The following FDFT1 variants were observed in gnomAD, a reference collection of about 807,000 sequenced individuals.
FDFT1 encodes squalene synthase.
FDFT1 carries 68 observed loss-of-function variants against 46.8 expected under a neutral mutation model. The observed-to-expected ratio is 1.45, with a 90% CI of 1.19 to 1.78. The LOEUF is 1.78. Ranked by LOEUF, FDFT1 falls within the 40% of genes most tolerant of loss-of-function variation. FDFT1 has a pLI of 0.00. For synonymous variants in FDFT1, 351 were observed against 185.1 expected, an observed-to-expected ratio of 1.90 and a Z score of -7.28; for missense variants, 928 against 524.4, an observed-to-expected ratio of 1.77 and a Z score of -7.52.
In FDFT1 at chr8:11,830,348, C is replaced by A. The variant is rs1228859270; in HGVS notation, c.807C>A (p.His269Gln). The A allele has an allele frequency of 1.9e-6, 3 of 1,613,720 alleles. No individual in the cohort carries two copies. The highest frequency in any genetic ancestry group is 2.5e-6 in the Non-Finnish European group (3 of 1,179,754). The change falls in exon 6 of 8, where the codon CAC becomes CAA. Residue 269 changes from histidine to glutamine, a missense_variant. By Grantham distance (24) the His-to-Gln change is conservative. Transcript: ENST00000220584. ...LNELITNALH[H>Q]IPDVITYLSR... ...AACTTATAACCAATGCACTGCACCA[C>A]ATCCCAGATGTCATCACCTACCTTT... is the stretch of plus-strand genomic sequence containing the variant.
At chr8:11,805,257 G>C (rs1806684677) in intron 1 of FDFT1, among the ~76,000 whole-genome samples, 1 of 152,192 alleles carries the variant, frequency 6.6e-6, no homozygotes, top group Admixed American at 6.5e-5. Context: ...ACGCTTAGCA[G>C]ATACTGAGGG....
intron 3 of FDFT1, among the ~76,000 whole-genome samples, chr8:11,810,460 C>A (rs1008788266): frequency 3.9e-5 from 6 of 152,198 alleles, no homozygotes; most frequent in African/African-American, 1.4e-4. Flanking sequence ...AGTTCCTTAT[C>A]TGCTTTGTGT....
intron 4 of FDFT1, among the ~76,000 whole-genome samples, chr8:11,825,535 A>G (rs1397250629): frequency 4.3e-5 from 3 of 69,080 alleles, no homozygotes; most frequent in Non-Finnish European, 9.2e-5. Context: ...GTGAGACTTG[A>G]TCTCAAAAAA....
At chr8:11,810,275 T>C (rs1807519292) in intron 3 of FDFT1, among the ~76,000 whole-genome samples, 2 of 152,202 alleles carry the variant, frequency 1.3e-5, no homozygotes, top group Non-Finnish European at 2.9e-5. Context: ...TCAGGCTAGC[T>C]CACAAAAGCC....
intron 1 of FDFT1, among the ~76,000 whole-genome samples, chr8:11,806,355 T>G (rs1755131561): frequency 6.6e-6 from 1 of 152,170 alleles, no homozygotes; most frequent in Non-Finnish European, 1.5e-5. Flanking sequence ...GTGAGTGTTG[T>G]TTTCCATAGT....
intron 1 of FDFT1, chr8:11,808,171 A>C: frequency 1.3e-6 from 1 of 792,106 alleles, no homozygotes; most frequent in Non-Finnish European, 1.6e-6. Flanking sequence ...GCAAAGACAG[A>C]TGCGTTGAGT....
At chr8:11,836,118 A>C (rs1048266894) in intron 7 of FDFT1, among the ~76,000 whole-genome samples, 1 of 150,870 alleles carries the variant, frequency 6.6e-6, no homozygotes, top group African/African-American at 2.4e-5. Context: ...GCACCACTGC[A>C]CTCTAGCCTG....
rs775854703 is a variant in FDFT1, at chr8:11,826,102, G to A, written c.589G>A (p.Val197Ile). The A allele has an allele frequency of 3.2e-5, 52 of 1,611,154 alleles. No individual in the cohort carries two copies. The highest frequency in any genetic ancestry group is 4.3e-5 in the Non-Finnish European group (51 of 1,177,774). ...AGCCTCAGAGTTTGAAGACCCCTTA[G>A]TTGGTGAAGATACAGAACGTGCCAA... ...FSASEFEDPL[V>I]GEDTERANSM... Residue 197 changes from valine (V) to isoleucine (I), a missense_variant, in exon 5 of 8, where the codon GTT becomes ATT. Coordinates refer to ENST00000220584, the MANE Select transcript of FDFT1 (RefSeq NM_004462.5).
chr8:11,820,597 C>G (rs935543781), intron 3 of FDFT1, among the ~76,000 whole-genome samples: 1 of 152,202 alleles, frequency 6.6e-6, no homozygotes, highest in Non-Finnish European at 1.5e-5. Context: ...TTCCCCTCAC[C>G]AAGCTCCAGC....
chr8:11,838,310 C>T (rs1811819892), intron 7 of FDFT1, 78 bp from the exon 8 acceptor site: 8 of 1,081,696 alleles, frequency 7.4e-6, no homozygotes, highest in East Asian at 2.4e-5. Context: ...AAATACCTGC[C>T]AGTGGAGGGT....
At chr8:11,834,690 C>G (rs1057320962) in intron 7 of FDFT1, among the ~76,000 whole-genome samples, 8 of 152,348 alleles carry the variant, frequency 5.3e-5, no homozygotes, top group East Asian at 1.9e-4. Context: ...GATGATCAAG[C>G]TGATTCCATA....
intron 3 of FDFT1, among the ~76,000 whole-genome samples, chr8:11,820,630 C>G (rs1021410648): frequency 1.3e-5 from 2 of 152,212 alleles, no homozygotes; most frequent in Admixed American, 6.5e-5. Context: ...TCTCAGACTG[C>G]TTGGCTAGCA....
At chr8:11,813,733 A>G (rs1169440430) in intron 3 of FDFT1, among the ~76,000 whole-genome samples, 1 of 152,138 alleles carries the variant, frequency 6.6e-6, no homozygotes, top group Non-Finnish European at 1.5e-5. Flanking sequence ...TCCTTCTTGT[A>G]CTTGGAACCA....
intron 7 of FDFT1, among the ~76,000 whole-genome samples, chr8:11,835,691 G>C (rs1811442355): frequency 6.6e-6 from 1 of 152,152 alleles, no homozygotes; most frequent in East Asian, 1.9e-4. Flanking sequence ...AGTACAAGTA[G>C]ATGAGAAAGT....
At chr8:11,820,957 G>A (rs969681062) in intron 3 of FDFT1, among the ~76,000 whole-genome samples, 1 of 152,208 alleles carries the variant, frequency 6.6e-6, no homozygotes, top group African/African-American at 2.4e-5. Flanking sequence ...CATCGATCTT[G>A]CTGGGAGCTG....
At chr8:11,808,110 G>A (rs1011822667) in intron 1 of FDFT1, 18 of 293,124 alleles carry the variant, frequency 6.1e-5, no homozygotes, top group African/African-American at 4.0e-4. Flanking sequence ...ACTGAAGTTG[G>A]GGGATTCTGG....
At position 11,808,865 on chromosome 8, in the gene FDFT1, T is replaced by C. The variant is rs1807294498; in HGVS notation, c.171T>C (p.Val57=). The C allele has an allele frequency of 6.2e-7, 1 of 1,614,032 alleles. No individual in the cohort carries two copies. Among genetic ancestry groups the C allele is most frequent in the Non-Finnish European group, 8.5e-7 (1 of 1,179,970 alleles). Residue 57 remains valine (V), a synonymous_variant, in exon 2 of 8, where the codon GTT becomes GTC. Coordinates refer to ENST00000220584, the MANE Select transcript of FDFT1 (RefSeq NM_004462.5). ...LNQTSRSFAA[V]IQALDGEMRN... ...AGACCAGTCGCAGTTTCGCAGCTGT[T>C]ATCCAGGCGCTGGATGGGGAAATGC... is the stretch of plus-strand genomic sequence containing the variant.
At chr8:11,832,445 G>C (rs1021011800) in intron 7 of FDFT1, among the ~76,000 whole-genome samples, 1 of 150,568 alleles carries the variant, frequency 6.6e-6, no homozygotes. Context: ...AGCTACTCAG[G>C]AGGCTGAGGC....
rs979770032 is a variant in FDFT1, at chr8:11,808,915, T to G, written c.197+24T>G. The G allele has an allele frequency of 1.9e-6, 3 of 1,608,386 alleles. No homozygotes were observed. In the African/African-American group the frequency reaches 4.0e-5, roughly 21 times the overall value. ...CGGTGAGTGATGGAGGCAGCGCCTC[T>G]GGCTTGGAGGAAAGCTTGTCCGGGA... On this transcript the variant is annotated intron_variant, in intron 2 of 7. Coordinates refer to ENST00000220584, the MANE Select transcript of FDFT1 (RefSeq NM_004462.5).
Sources: allele counts gnomAD v4.1 joint callset (sites outside exome capture counted in the v4.1 genomes callset), GRCh38; gene constraint gnomAD v4.1.1; transcripts MANE v1.5; gene names NCBI Gene and HGNC (gene_info 2026-07-23, HGNC 2026-07-21).